The following GNG2 variants were observed in gnomAD, a reference collection of about 807,000 sequenced individuals.
GNG2 encodes guanine nucleotide-binding protein G(I)/G(S)/G(O) subunit gamma-2.
A neutral mutation model predicts 5.5 loss-of-function variants in GNG2; 5 were observed. The observed-to-expected ratio is 0.91, with a 90% confidence interval of 0.48 to 1.92. GNG2 has a LOEUF of 1.92. Ranked by LOEUF, GNG2 falls within the 30% of genes most tolerant of loss-of-function variation. The pLI, the probability that GNG2 is intolerant of heterozygous loss-of-function variation, is 0.01. For missense variants in GNG2, 55 were observed against 88.4 expected (o/e 0.62, Z 1.52); for synonymous variants, 28 against 32.0 (o/e 0.88, Z 0.42).
intron 2 of GNG2, among the ~76,000 whole-genome samples, chr14:51,938,917 T>G (rs868345094): frequency 6.6e-6 from 1 of 152,194 alleles, no homozygotes; most frequent in African/African-American, 2.4e-5. Context: ...GTGGTTCGTT[T>G]TAATAAAGAA....
chr14:51,852,543 G>A (rs1417898712), intron 2 of GNG2, among the ~76,000 whole-genome samples: 3 of 152,212 alleles, frequency 2.0e-5, no homozygotes, highest in South Asian at 2.1e-4. Context: ...GTAATTTGTC[G>A]GGGCAGGGGA....
intron 2 of GNG2, among the ~76,000 whole-genome samples, chr14:51,895,150 A>G (rs559851239): frequency 4.6e-5 from 7 of 152,300 alleles, no homozygotes; most frequent in Admixed American, 3.3e-4. Context: ...GAATATTTCC[A>G]GAACTAGTAA....
intron 2 of GNG2, among the ~76,000 whole-genome samples, chr14:51,880,020 T>C (rs970838242): frequency 1.3e-5 from 2 of 152,234 alleles, no homozygotes; most frequent in Non-Finnish European, 2.9e-5. Context: ...TTTCCAACTT[T>C]GATGAAGCCA....
intron 3 of GNG2, chr14:51,951,823 G>A (rs1416199217): frequency 4.3e-6 from 3 of 696,452 alleles, no homozygotes; most frequent in African/African-American, 1.8e-5. Context: ...AGCAGAGTAG[G>A]GTGGTTGTAA....
At chr14:51,854,544 T>C (rs1348677318) in intron 2 of GNG2, among the ~76,000 whole-genome samples, 1 of 151,406 alleles carries the variant, frequency 6.6e-6, no homozygotes, top group Non-Finnish European at 1.5e-5. Context: ...GAGTCTTGCT[T>C]TGTTGCCCAG....
At chr14:51,948,810 T>C (rs1888791725) in intron 2 of GNG2, among the ~76,000 whole-genome samples, 1 of 152,154 alleles carries the variant, frequency 6.6e-6, no homozygotes, top group Non-Finnish European at 1.5e-5. Context: ...TTTTATTGTC[T>C]CCAAACTCTT....
chr14:51,932,316 A>G (rs189444176), intron 2 of GNG2, among the ~76,000 whole-genome samples: 1 of 151,218 alleles, frequency 6.6e-6, no homozygotes, highest in African/African-American at 2.4e-5. Flanking sequence ...TATTAGCCCT[A>G]AAAAGAAGGA....
intron 2 of GNG2, among the ~76,000 whole-genome samples, chr14:51,908,147 G>A (rs1886052413): frequency 6.6e-6 from 1 of 152,176 alleles, no homozygotes; most frequent in South Asian, 2.1e-4. Context: ...GGGCCTGGAG[G>A]ATCTGGTTCT....
chr14:51,955,379 T>C (rs191578537), intron 3 of GNG2, among the ~76,000 whole-genome samples: 1 of 152,376 alleles, frequency 6.6e-6, no homozygotes, highest in East Asian at 1.9e-4. Flanking sequence ...AATCTCTTTT[T>C]CTATTCTGAC....
At chr14:51,928,397 G>A (rs1414155791) in intron 2 of GNG2, among the ~76,000 whole-genome samples, 2 of 152,106 alleles carry the variant, frequency 1.3e-5, no homozygotes, top group Admixed American at 6.5e-5. Flanking sequence ...GACAAGAACA[G>A]ATAATATCAT....
intron 2 of GNG2, among the ~76,000 whole-genome samples, chr14:51,837,106 G>T (rs1186795950): frequency 6.6e-6 from 1 of 151,692 alleles, no homozygotes; most frequent in African/African-American, 2.4e-5. Flanking sequence ...TGATCCACCC[G>T]CCTTGGCCTC....
chr14:51,889,391 C>T (rs548371779), intron 2 of GNG2, among the ~76,000 whole-genome samples: 2 of 151,966 alleles, frequency 1.3e-5, no homozygotes, highest in African/African-American at 2.4e-5. Flanking sequence ...CCACCATGCC[C>T]GGTCCTTGGG....
intron 2 of GNG2, among the ~76,000 whole-genome samples, chr14:51,841,964 G>A (rs1881496402): frequency 6.6e-6 from 1 of 152,136 alleles, no homozygotes; most frequent in Non-Finnish European, 1.5e-5. Context: ...ATCCCATCAA[G>A]GAATACAGGC....
At chr14:51,935,320 C>A (rs902186994) in intron 2 of GNG2, among the ~76,000 whole-genome samples, 7 of 151,760 alleles carry the variant, frequency 4.6e-5, no homozygotes, top group Non-Finnish European at 7.4e-5. Flanking sequence ...CCACCACGCC[C>A]AGCCCAGCCC....
At position 51,853,443 on chromosome 14, in the gene GNG2, A is replaced by G. The variant is rs151111686; in HGVS notation, c.64+25636A>G. Among the ~76,000 whole-genome samples the G allele has an allele frequency of 3.9e-5, 6 of 152,348 alleles. No homozygotes were observed. The East Asian group carries it at 7.7e-4, about 20-fold the overall frequency. ...AATGAGAACCTGAAAACTTAGGTAC[A>G]GAATAGAGCCAGAGGAGCCAAGGAA... is the stretch of plus-strand genomic sequence containing the variant. On this transcript the variant is annotated intron_variant, in intron 2 of 3. Coordinates refer to the GNG2 transcript ENST00000553432.
At chr14:51,865,877 T>C (rs1196185532) in intron 1 of GNG2, among the ~76,000 whole-genome samples, 13 of 152,056 alleles carry the variant, frequency 8.5e-5, no homozygotes, top group Admixed American at 7.9e-4. Context: ...AAAATTCTTA[T>C]GTTAAAGACA....
intron 2 of GNG2, chr14:51,917,341 C>G (rs1886708062): frequency 2.2e-6 from 1 of 455,908 alleles, no homozygotes; most frequent in Admixed American, 2.3e-5. Context: ...TACTGAGCCC[C>G]AAGTGTAAAG....
Position 51,899,389 on chromosome 14 carries a change from T to G in GNG2, c.-30+21732T>G, listed in dbSNP as rs138660029. On this transcript the variant is annotated intron_variant, in intron 2 of 3. Transcript: ENST00000556766. ...TAATAGTTCCGACATTAAACAGAATTAGGACTTGTGTTCAAAATTGAGGAT... is the reference window on the plus strand; with the variant it reads ...TAATAGTTCCGACATTAAACAGAATGAGGACTTGTGTTCAAAATTGAGGAT... Among the ~76,000 whole-genome samples, 200 of 152,280 alleles carry G rather than the reference T, an allele frequency of 1.3e-3. 1 individual carries two copies. The highest frequency in any genetic ancestry group is 4.6e-3 in the African/African-American group (190 of 41,542).
intron 2 of GNG2, among the ~76,000 whole-genome samples, chr14:51,918,037 C>CAAAAAAAAAAAAAAAA (rs34991244): frequency 1.1e-5 from 1 of 93,878 alleles, no homozygotes. Flanking sequence ...AAAAACAAAC[C>CAAAAAAAAAAAAAAAA]AAAAAAAAAA....
Sources: allele counts gnomAD v4.1 joint callset (sites outside exome capture counted in the v4.1 genomes callset), GRCh38; gene constraint gnomAD v4.1.1; transcripts MANE v1.5; gene names NCBI Gene and HGNC (gene_info 2026-07-23, HGNC 2026-07-21).